ASB15: variants seen among roughly 807,000 people sequenced by gnomAD.
The protein encoded by ASB15 is ankyrin repeat and SOCS box containing 15.
A neutral mutation model predicts 58.0 loss-of-function variants in ASB15; 54 were observed. That is an observed-to-expected ratio of 0.93 (90% CI 0.75 to 1.17). The LOEUF is 1.17. ASB15 is among the 50% of genes most tolerant of loss of function. The pLI, the probability that ASB15 is intolerant of heterozygous loss-of-function variation, is 0.00. For synonymous variants in ASB15, 249 were observed against 262.4 expected (o/e 0.95, Z 0.50); for missense variants, 680 against 707.4 (o/e 0.96, Z 0.44).
intron 9 of ASB15, 30 bp from the exon 10 acceptor site, chr7:123,628,834 G>A: frequency 7.2e-7 from 1 of 1,379,720 alleles, no homozygotes; most frequent in Non-Finnish European, 9.8e-7. Context: ...TTTCTTTATG[G>A]CAAGTAGATA....
intron 1 of ASB15, among the ~76,000 whole-genome samples, chr7:123,569,097 C>T (rs941876132): frequency 2.6e-5 from 4 of 152,086 alleles, no homozygotes; most frequent in Non-Finnish European, 4.4e-5. Flanking sequence ...GAAGTTTAGT[C>T]TGTATCAGAA....
chr7:123,622,165 T>A (rs1398402905), intron 7 of ASB15, among the ~76,000 whole-genome samples: 1 of 152,210 alleles, frequency 6.6e-6, no homozygotes, highest in Non-Finnish European at 1.5e-5. Flanking sequence ...AAAGTCAGTT[T>A]TAAGCATTAC....
At chr7:123,601,178 A>G (rs1799864484), upstream of ASB15, among the ~76,000 whole-genome samples, 1 of 152,180 alleles carries the variant, frequency 6.6e-6, no homozygotes, top group Non-Finnish European at 1.5e-5. Context: ...GAAAATCAGT[A>G]AGACAATAAA....
At chr7:123,608,888 G>T (rs1800284620) in intron 3 of ASB15, 1 of 149,166 alleles carries the variant, frequency 6.7e-6, no homozygotes, top group Non-Finnish European at 1.5e-5. Context: ...ATCTTTAAAA[G>T]TATGCATACA....
chr7:123,597,692 G>C (rs543229309), upstream of ASB15, among the ~76,000 whole-genome samples: 2 of 152,140 alleles, frequency 1.3e-5, no homozygotes, highest in Admixed American at 6.6e-5. Context: ...ATTAGAAGAC[G>C]TGGTGGCACA....
intron 1 of ASB15, among the ~76,000 whole-genome samples, chr7:123,570,016 A>G (rs918738393): frequency 6.6e-6 from 1 of 150,522 alleles, no homozygotes; most frequent in African/African-American, 2.4e-5. Flanking sequence ...AAAGTTTACA[A>G]CTACTGCCAT....
chr7:123,611,100 A>AAAAAG (rs1562926397), intron 3 of ASB15, among the ~76,000 whole-genome samples: 18 of 150,248 alleles, frequency 1.2e-4, no homozygotes, highest in Admixed American at 1.0e-3. Context: ...AAAAAAAAAA[A>AAAAAG]AAAAGAAAAG....
intron 3 of ASB15, among the ~76,000 whole-genome samples, chr7:123,610,919 T>C (rs1192424450): frequency 2.0e-5 from 3 of 151,028 alleles, no homozygotes; most frequent in Non-Finnish European, 4.4e-5. Flanking sequence ...CCATCTCTAC[T>C]AAAAATACAA....
At chr7:123,580,760 G>A (rs904707813) in intron 1 of ASB15, among the ~76,000 whole-genome samples, 2 of 151,854 alleles carry the variant, frequency 1.3e-5, no homozygotes, top group African/African-American at 2.4e-5. Flanking sequence ...CTGCACAACC[G>A]TACCTGGAAG....
chr7:123,592,144 T>C (rs1276971765), intron 1 of ASB15, among the ~76,000 whole-genome samples: 2 of 152,196 alleles, frequency 1.3e-5, no homozygotes, highest in Non-Finnish European at 2.9e-5. Flanking sequence ...AGTGGTGATA[T>C]CCCCTTTATC....
rs1456070687 is a variant in ASB15, at chr7:123,638,404, C to T, written c.*1423C>T. On this transcript the variant is annotated 3_prime_UTR_variant, in exon 12 of 12. Coordinates refer to ENST00000451215, the MANE Select transcript of ASB15 (RefSeq NM_001290258.2). ...GATTCCCAGACTTCAAGGTGTCATA[C>T]ACTAATAGGTTTTATTGTGTTTATT... 1 of 152,112 alleles carries T rather than the reference C, an allele frequency of 6.6e-6. No individual in the cohort carries two copies. Among genetic ancestry groups the T allele is most frequent in the African/African-American group, 2.4e-5 (1 of 41,416 alleles). 9.4% of individuals were successfully genotyped at this position (152,112 alleles called of 1,614,324 possible). A position where few individuals can be genotyped will look rare whatever the true frequency, so the allele number is the denominator to read the frequency against.
At chr7:123,567,012 C>G (rs1798782543) in exon 1 of ASB15, 2 of 152,116 alleles carry the variant, frequency 1.3e-5, no homozygotes, top group Non-Finnish European at 2.9e-5. Context: ...TTTGTTGTAA[C>G]CCTGGGTTCA....
At chr7:123,595,333 T>C (rs1214527730) in intron 1 of ASB15, among the ~76,000 whole-genome samples, 1 of 152,224 alleles carries the variant, frequency 6.6e-6, no homozygotes, top group Non-Finnish European at 1.5e-5. Context: ...CCCTTCAACA[T>C]GGCACATCCT....
At chr7:123,578,005 C>T (rs1562908642) in intron 1 of ASB15, among the ~76,000 whole-genome samples, 1 of 151,652 alleles carries the variant, frequency 6.6e-6, no homozygotes, top group Non-Finnish European at 1.5e-5. Context: ...AACCCATCAC[C>T]TACATTAAGT....
intron 7 of ASB15, among the ~76,000 whole-genome samples, chr7:123,617,989 T>G (rs1013275176): frequency 2.0e-5 from 3 of 152,182 alleles, no homozygotes; most frequent in Non-Finnish European, 4.4e-5. Flanking sequence ...CTGAATTAGT[T>G]TTTTGAAGCC....
intron 8 of ASB15, among the ~76,000 whole-genome samples, chr7:123,625,545 C>CA (rs1304869641): frequency 1.3e-5 from 2 of 152,218 alleles, no homozygotes; most frequent in Non-Finnish European, 2.9e-5. Flanking sequence ...ACGTACCTTG[C>CA]AGGGTTTGGG....
At position 123,637,877 on chromosome 7, in the gene ASB15, C is replaced by CAA. The variant is rs1459949582; in HGVS notation, c.*896_*897insAA. 1 of 19,122 alleles carries CAA rather than the reference C, an allele frequency of 5.2e-5. No homozygotes were observed. The highest frequency in any genetic ancestry group is 9.2e-5 in the Non-Finnish European group (1 of 10,832). 1.2% of individuals were successfully genotyped at this position (19,122 alleles called of 1,614,324 possible). On this transcript the variant is annotated 3_prime_UTR_variant, in exon 12 of 12. Coordinates refer to ENST00000451215, the MANE Select transcript of ASB15 (RefSeq NM_001290258.2). The stretch of plus-strand genomic sequence containing the variant: ...CAAATTCAACATGTCCCCAGATGAA[C>CAA]TAAAAAAAAAAAAAAAAAAAAAACC...
At chr7:123,625,046 T>C (rs561904194) in intron 8 of ASB15, 2 of 507,172 alleles carry the variant, frequency 3.9e-6, no homozygotes, top group Non-Finnish European at 7.1e-6. Flanking sequence ...TCCTGATTGC[T>C]CTCTCGAGAG....
chr7:123,604,797 T>C (rs531617912), intron 2 of ASB15, among the ~76,000 whole-genome samples: 2 of 152,166 alleles, frequency 1.3e-5, no homozygotes, highest in East Asian at 1.9e-4. Flanking sequence ...TCAGGGTCAA[T>C]ATTCAAGGGT....
Sources: allele counts gnomAD v4.1 joint callset (sites outside exome capture counted in the v4.1 genomes callset), GRCh38; gene constraint gnomAD v4.1.1; transcripts MANE v1.5; gene names NCBI Gene and HGNC (gene_info 2026-07-23, HGNC 2026-07-21).